Variants in SPAG9 observed in about 807,000 individuals in gnomAD.
SPAG9 encodes the protein C-Jun-amino-terminal kinase-interacting protein 4.
A neutral mutation model predicts 166.5 loss-of-function variants in SPAG9; 35 were observed. That is an observed-to-expected ratio of 0.21 (90% confidence interval 0.16 to 0.28). The LOEUF (loss-of-function observed/expected upper bound fraction) is 0.28. Among genes scored for constraint, SPAG9 ranks in the 10% least tolerant of loss-of-function variants. The pLI is 1.00. For missense variants in SPAG9, 1,235 were observed against 1,603.3 expected (o/e 0.77, Z 3.92); for synonymous variants, 534 against 565.5 (o/e 0.94, Z 0.79).
At chr17:50,967,287 CA>C (rs1973431437) in intron 29 of SPAG9, among the ~76,000 whole-genome samples, 1 of 152,224 alleles carries the variant, frequency 6.6e-6, no homozygotes. Flanking sequence ...ATACACACCA[CA>C]GGACCTAAAG....
At chr17:51,083,933 G>A (rs186335994) in intron 1 of SPAG9, among the ~76,000 whole-genome samples, 238 of 152,078 alleles carry the variant, frequency 1.6e-3, no homozygotes, top group African/African-American at 5.5e-3. Flanking sequence ...GCACCTCTTC[G>A]CTATACTTTT....
Position 50,995,637 on chromosome 17 carries a change from T to A in SPAG9, c.1969-104A>T, listed in dbSNP as rs1474024142. 3 of 733,320 alleles carry A rather than the reference T, an allele frequency of 4.1e-6. No individual in the cohort carries two copies. The African/African-American group carries it at 5.3e-5, about 13-fold the overall frequency. 45.4% of individuals were successfully genotyped at this position (733,320 alleles called of 1,614,324 possible). A position where few individuals can be genotyped will look rare whatever the true frequency, so the allele number is the denominator to read the frequency against. On this transcript the variant is annotated intron_variant, in intron 16 of 29. Coordinates refer to ENST00000262013, the MANE Select transcript of SPAG9 (RefSeq NM_001130528.3). ...GACATGAGCAAGCACTGCTGTTATT[T>A]ACTCCTTGAAATCAAGTTCAGGTTT... is the stretch of plus-strand genomic sequence containing the variant.
At chr17:51,023,895 G>C (rs1035752656) in intron 6 of SPAG9, among the ~76,000 whole-genome samples, 2 of 152,194 alleles carry the variant, frequency 1.3e-5, no homozygotes, top group Non-Finnish European at 2.9e-5. Context: ...CAGATGCCTG[G>C]CCTCAAGCGA....
intron 1 of SPAG9, among the ~76,000 whole-genome samples, chr17:51,096,463 A>G (rs1409665008): frequency 6.6e-6 from 1 of 152,156 alleles, no homozygotes; most frequent in Non-Finnish European, 1.5e-5. Context: ...ACAAGAAAAT[A>G]AGAAGTCTTT....
At chr17:51,065,634 TA>T (rs1216673003) in intron 2 of SPAG9, among the ~76,000 whole-genome samples, 3 of 152,226 alleles carry the variant, frequency 2.0e-5, no homozygotes, top group Non-Finnish European at 4.4e-5. Flanking sequence ...CTAAGGCTGT[TA>T]AGCTGAGGCA....
chr17:51,060,226 C>T (rs564480161), intron 2 of SPAG9, among the ~76,000 whole-genome samples: 1 of 151,896 alleles, frequency 6.6e-6, no homozygotes, highest in South Asian at 2.1e-4. Context: ...AATTAAGGGC[C>T]GGGCGAGGTG....
At chr17:51,057,755 G>A (rs1356239472) in intron 2 of SPAG9, among the ~76,000 whole-genome samples, 2 of 152,168 alleles carry the variant, frequency 1.3e-5, no homozygotes, top group African/African-American at 4.8e-5. Flanking sequence ...ACACACTACA[G>A]TACCCACGGA....
chr17:50,996,937 C>T (rs1034432696), intron 15 of SPAG9, among the ~76,000 whole-genome samples: 7 of 152,112 alleles, frequency 4.6e-5, no homozygotes, highest in Non-Finnish European at 8.8e-5. Context: ...GTCAGGAGTT[C>T]GAGAGCAGCC....
intron 1 of SPAG9, among the ~76,000 whole-genome samples, chr17:51,088,920 C>T (rs1274157428): frequency 6.6e-6 from 1 of 150,662 alleles, no homozygotes; most frequent in East Asian, 2.0e-4. Context: ...TGGTGCAACC[C>T]CGCATCTACT....
rs1400976861 is a variant in SPAG9, at chr17:50,993,819, G to A, written c.2343C>T (p.Ile781=). The change falls in exon 19 of 30, where the codon ATC becomes ATT. Residue 781 remains isoleucine, a synonymous_variant. Transcript: ENST00000262013. ...LIIDAVQPGN[I]LDSFTVCNSH... is the part of the protein sequence containing the mutation. ...AGTTGCAAACAGTGAAACTGTCTAG[G>A]ATGTTGCCAGGTTGAACAGCATCAA... 3.1e-6 allele frequency: 5 copies of A among 1,614,018 alleles called. No individual in the cohort carries two copies. The highest frequency in any genetic ancestry group is 4.2e-6 in the Non-Finnish European group (5 of 1,180,016).
At chr17:50,987,404 A>G (rs1975134423) in intron 21 of SPAG9, among the ~76,000 whole-genome samples, 167 bp from the exon 22 acceptor site, 1 of 152,122 alleles carries the variant, frequency 6.6e-6, no homozygotes, top group African/African-American at 2.4e-5. Flanking sequence ...CAGTGGCACA[A>G]TCAGGGCTCA....
At chr17:51,046,894 C>T (rs2047041565) in intron 4 of SPAG9, 2 of 1,516,646 alleles carry the variant, frequency 1.3e-6, no homozygotes, top group African/African-American at 1.4e-5. Flanking sequence ...CCCCAAGCGA[C>T]AGCCAGCCTA....
chr17:50,971,939 TG>T (rs1188888382), intron 28 of SPAG9, among the ~76,000 whole-genome samples: 3 of 152,122 alleles, frequency 2.0e-5, no homozygotes, highest in Non-Finnish European at 4.4e-5. Flanking sequence ...GGCTAATTTT[TG>T]TATTTTAGTA....
chr17:51,038,955 T>G (rs2046725847), intron 5 of SPAG9, among the ~76,000 whole-genome samples: 1 of 152,210 alleles, frequency 6.6e-6, no homozygotes, highest in Non-Finnish European at 1.5e-5. Context: ...TCTATTAGAT[T>G]ATTTACAACC....
chr17:50,970,832 C>T lies in SPAG9; in HGVS notation c.3725G>A (p.Ser1242Asn). 1 of 1,613,986 alleles carries T rather than the reference C, an allele frequency of 6.2e-7. No individual in the cohort carries two copies. The highest frequency in any genetic ancestry group is 1.3e-5 in the African/African-American group (1 of 75,004). Residue 1242 changes from serine to asparagine, a missense_variant, in exon 29 of 30, where the codon AGC (serine) becomes AAC (asparagine). Transcript: ENST00000262013. The part of the protein sequence containing the change: ...VPGQVISPQS[S>N]SSGTDLTGDK... ...ACCCGTCAGATCCGTGCCACTACTG[C>T]TACTTTGTGGGCTGATGACTTGACC...
chr17:51,016,038 A>G (rs932406389), intron 8 of SPAG9, among the ~76,000 whole-genome samples: 2 of 152,172 alleles, frequency 1.3e-5, no homozygotes, highest in African/African-American at 4.8e-5. Context: ...GAAAGTATAT[A>G]AAAATGAGCA....
chr17:50,996,829 A>G, intron 15 of SPAG9, 135 bp from the exon 16 acceptor site: 1 of 848,960 alleles, frequency 1.2e-6, no homozygotes, highest in Non-Finnish European at 1.8e-6. Context: ...TATTTCAACT[A>G]TAACAGCTCC....
At chr17:51,107,017 G>A (rs181126992) in intron 1 of SPAG9, among the ~76,000 whole-genome samples, 7 of 144,750 alleles carry the variant, frequency 4.8e-5, no homozygotes, top group Non-Finnish European at 7.5e-5. Context: ...CAGAAGAATC[G>A]CTTGAACCCG....
At position 51,095,945 on chromosome 17, in the gene SPAG9, T is replaced by TTATATATATAGTGATA. The variant is rs1158223698; in HGVS notation, c.304-16257_304-16242dup. On this transcript the variant is annotated intron_variant, in intron 1 of 29. Transcript: ENST00000262013. ...TATAGTGATATATATAGTGATATAG[T>TTATATATATAGTGATA]TATATATATAGTGATATATATATAT... 2.5e-4 allele frequency among the ~76,000 whole-genome samples: 27 copies of TTATATATATAGTGATA among 110,092 alleles called. 1 individual carries two copies. Among genetic ancestry groups the TTATATATATAGTGATA allele is most frequent in the South Asian group, 8.0e-4 (3 of 3,766 alleles). 72.2% of individuals were successfully genotyped at this position (110,092 alleles called of 152,430 possible).
Sources: allele counts gnomAD v4.1 joint callset (sites outside exome capture counted in the v4.1 genomes callset), GRCh38; gene constraint gnomAD v4.1.1; transcripts MANE v1.5; gene names NCBI Gene and HGNC (gene_info 2026-07-23, HGNC 2026-07-21).